The following SLIT3 variants were observed in gnomAD, a reference collection of about 807,000 sequenced individuals.
SLIT3 encodes slit guidance ligand 3.
Under a neutral mutation model 184.0 loss-of-function variants are expected in SLIT3, and 68 were observed. The ratio of observed to expected loss-of-function variants is 0.37; its 90% CI spans 0.30 to 0.45. The LOEUF is 0.45. SLIT3 is among the 20% of genes least tolerant of loss of function. The pLI, the probability that SLIT3 is intolerant of heterozygous loss-of-function variation, is 1.00. For missense variants in SLIT3, 1,707 were observed against 2,026.0 expected (o/e 0.84, Z 3.02); for synonymous variants, 831 against 828.6 (o/e 1.00, Z -0.05).
intron 26 of SLIT3, among the ~76,000 whole-genome samples, chr5:168,702,832 C>A (rs548618949): frequency 6.2e-4 from 95 of 152,216 alleles, no homozygotes; most frequent in African/African-American, 2.2e-3. Flanking sequence ...AACACATGGA[C>A]CGTGAAGGGC....
rs4365854 is a variant in SLIT3, at chr5:169,067,912, A to G, written c.413+125567T>C. On this transcript the variant is annotated intron_variant, in intron 4 of 35. Coordinates refer to ENST00000519560, the MANE Select transcript of SLIT3 (RefSeq NM_003062.4). Reference sequence around the variant, plus strand: ...TCAGGGCATCAAACTGGGCTGGCACACTTGAGGAAAATTATTTAGTTATGA... The same window carrying G: ...TCAGGGCATCAAACTGGGCTGGCACGCTTGAGGAAAATTATTTAGTTATGA... 6.1e-3 allele frequency among the ~76,000 whole-genome samples: 926 copies of G among 152,356 alleles called. 10 individuals carry two copies. The highest frequency in any genetic ancestry group is 0.021 in the African/African-American group (884 of 41,580).
At chr5:169,167,963 C>T (rs1318786746) in intron 4 of SLIT3, among the ~76,000 whole-genome samples, 3 of 152,232 alleles carry the variant, frequency 2.0e-5, no homozygotes, top group African/African-American at 7.2e-5. Context: ...AAGGTACACA[C>T]ATCTCTCTTG....
intron 1 of SLIT3, among the ~76,000 whole-genome samples, chr5:169,280,341 T>A: frequency 6.7e-6 from 1 of 150,318 alleles, no homozygotes. Context: ...AGGGTTCCAA[T>A]TTTTTTTTTC....
intron 5 of SLIT3, among the ~76,000 whole-genome samples, chr5:168,876,617 C>T (rs1399328899): frequency 6.6e-6 from 1 of 152,212 alleles, no homozygotes; most frequent in East Asian, 1.9e-4. Context: ...TCCTATGCAT[C>T]CTTCAAGACC....
intron 5 of SLIT3, among the ~76,000 whole-genome samples, chr5:168,870,043 T>C (rs1253060646): frequency 1.3e-5 from 2 of 152,202 alleles, no homozygotes; most frequent in Admixed American, 6.5e-5. Context: ...TATGGATGTG[T>C]CAGTTCTGAT....
At chr5:168,971,077 G>A (rs752917248) in intron 4 of SLIT3, among the ~76,000 whole-genome samples, 3 of 152,218 alleles carry the variant, frequency 2.0e-5, no homozygotes, top group Admixed American at 6.5e-5. Context: ...AGTAAAGAAG[G>A]CAAGTTTCCC....
chr5:168,762,853 G>T (rs1275101726), intron 14 of SLIT3, among the ~76,000 whole-genome samples, 164 bp from the exon 15 acceptor site: 1 of 152,108 alleles, frequency 6.6e-6, no homozygotes. Context: ...CACCTTGCTG[G>T]TGCCTTCCCT....
chr5:168,829,085 C>G (rs1369640639), intron 6 of SLIT3, among the ~76,000 whole-genome samples: 3 of 152,150 alleles, frequency 2.0e-5, no homozygotes, highest in Admixed American at 2.0e-4. Flanking sequence ...TGGGGCTCTC[C>G]ACTGCATCCC....
At chr5:168,891,641 A>C (rs959618605) in intron 4 of SLIT3, among the ~76,000 whole-genome samples, 1 of 152,226 alleles carries the variant, frequency 6.6e-6, no homozygotes, top group Non-Finnish European at 1.5e-5. Flanking sequence ...CTGAGGTCCA[A>C]GCACTATGGA....
intron 4 of SLIT3, among the ~76,000 whole-genome samples, chr5:169,171,047 A>C (rs192252443): frequency 1.5e-3 from 223 of 152,322 alleles, no homozygotes; most frequent in Non-Finnish European, 4.4e-4. Context: ...AACAATGCCA[A>C]AGACATCATA....
intron 6 of SLIT3, among the ~76,000 whole-genome samples, chr5:168,839,644 G>A (rs922480204): frequency 5.9e-5 from 9 of 152,150 alleles, no homozygotes; most frequent in African/African-American, 1.7e-4. Context: ...TGTAGCCTCC[G>A]GTTTAAAGAG....
intron 3 of SLIT3, among the ~76,000 whole-genome samples, chr5:169,215,890 A>C (rs1476853905): frequency 6.6e-6 from 1 of 152,206 alleles, no homozygotes; most frequent in Admixed American, 6.5e-5. Context: ...TCATCATCAT[A>C]ATATTTATGG....
chr5:168,780,827 A>G (rs953515797), intron 12 of SLIT3, among the ~76,000 whole-genome samples: 1 of 152,196 alleles, frequency 6.6e-6, no homozygotes, highest in African/African-American at 2.4e-5. Context: ...CCTATAAAAT[A>G]TGGGGATTAA....
intron 4 of SLIT3, among the ~76,000 whole-genome samples, chr5:169,051,100 T>C (rs1218641972): frequency 1.3e-5 from 2 of 152,198 alleles, no homozygotes; most frequent in Non-Finnish European, 2.9e-5. Context: ...TCATGTCAAC[T>C]TCTAAACTTG....
chr5:169,005,350 A>C lies in SLIT3; in HGVS notation c.414-122014T>G, dbSNP rs541300935. ...ACAGCCTCTGAGCTTCAGTTTTTGT[A>C]AAACAGAGAATCTAACGTCCGCATT... On this transcript the variant is annotated intron_variant, in intron 4 of 35. Coordinates refer to ENST00000519560, the MANE Select transcript of SLIT3 (RefSeq NM_003062.4). Among the ~76,000 whole-genome samples the C allele has an allele frequency of 2.0e-5, 3 of 152,320 alleles. No individual in the cohort carries two copies. In the South Asian group the frequency reaches 6.2e-4, roughly 32 times the overall value.
At chr5:168,937,818 C>T (rs1462116998) in intron 4 of SLIT3, among the ~76,000 whole-genome samples, 1 of 152,062 alleles carries the variant, frequency 6.6e-6, no homozygotes, top group Non-Finnish European at 1.5e-5. Flanking sequence ...AAGAATGGTG[C>T]CTAGCACAGC....
intron 20 of SLIT3, among the ~76,000 whole-genome samples, chr5:168,733,790 A>T (rs72825699): frequency 0.14 from 19,900 of 138,182 alleles, 1,713 homozygotes; most frequent in Non-Finnish European, 0.2. Context: ...AACTTAAAAT[A>T]AAAAAAAATT....
At chr5:168,932,169 G>T (rs1762004806) in intron 4 of SLIT3, among the ~76,000 whole-genome samples, 1 of 151,790 alleles carries the variant, frequency 6.6e-6, no homozygotes, top group African/African-American at 2.4e-5. Flanking sequence ...CTGGTAAGCA[G>T]CCAGGACCTG....
chr5:168,882,027 G>A (rs182330499), intron 5 of SLIT3, among the ~76,000 whole-genome samples: 2 of 152,164 alleles, frequency 1.3e-5, no homozygotes, highest in East Asian at 1.9e-4. Flanking sequence ...GCCCTCTTGC[G>A]TGCTTTGCAT....
Sources: allele counts gnomAD v4.1 joint callset (sites outside exome capture counted in the v4.1 genomes callset), GRCh38; gene constraint gnomAD v4.1.1; transcripts MANE v1.5; gene names NCBI Gene and HGNC (gene_info 2026-07-23, HGNC 2026-07-21).